PIK3AP1: variants seen among roughly 807,000 people sequenced by gnomAD.
PIK3AP1 encodes phosphoinositide-3-kinase adaptor protein 1.
A neutral mutation model predicts 88.1 loss-of-function variants in PIK3AP1; 21 were observed. The ratio of observed to expected loss-of-function variants is 0.24; its 90% CI spans 0.17 to 0.34. The LOEUF (loss-of-function observed/expected upper bound fraction) is 0.34, where lower values mean the gene tolerates loss of function less well. Among genes scored for constraint, PIK3AP1 ranks in the 10% least tolerant of loss-of-function variants. PIK3AP1 has a pLI of 1.00. For synonymous variants in PIK3AP1, 398 were observed against 400.0 expected, an observed-to-expected ratio of 1.00 and a Z score of 0.06; for missense variants, 828 against 1,035.7, an observed-to-expected ratio of 0.80 and a Z score of 2.75.
intron 8 of PIK3AP1, among the ~76,000 whole-genome samples, chr10:96,642,437 A>C (rs59106145): frequency 7.5e-5 from 10 of 133,590 alleles, no homozygotes; most frequent in South Asian, 2.6e-4. Flanking sequence ...AAAAAAAAAA[A>C]AAAAAACAGA....
chr10:96,633,303 G>C (rs117026892), intron 8 of PIK3AP1: 2 of 376,600 alleles, frequency 5.3e-6, no homozygotes, highest in Non-Finnish European at 4.7e-6. Context: ...GGTTACCGGG[G>C]TAACAGAGCT....
At position 96,648,710 on chromosome 10, in the gene PIK3AP1, G is replaced by A. The variant is rs138239158; in HGVS notation, c.1134C>T (p.Ile378=). The change falls in exon 7 of 17, where the codon ATC becomes ATT. Residue 378 remains isoleucine, a synonymous_variant. Coordinates refer to ENST00000339364, the MANE Select transcript of PIK3AP1 (RefSeq NM_152309.3). ...ANKHGHYPNT[I]AEKHGFRDLR... ...GGTCCCTGAAGCCGTGTTTCTCAGC[G>A]ATGGTGTTGGGGTAGTGGCCATGCT... 4.1e-5 allele frequency: 66 copies of A among 1,609,844 alleles called. No homozygotes were observed. Among genetic ancestry groups the A allele is most frequent in the African/African-American group, 6.7e-5 (5 of 74,722 alleles).
intron 16 of PIK3AP1, among the ~76,000 whole-genome samples, chr10:96,600,224 T>C (rs1355446010): frequency 6.6e-6 from 1 of 152,210 alleles, no homozygotes; most frequent in East Asian, 1.9e-4. Context: ...CAAGCCCCAG[T>C]TTCTACATCT....
intron 2 of PIK3AP1, among the ~76,000 whole-genome samples, chr10:96,670,412 T>C (rs1274589146): frequency 1.3e-5 from 2 of 152,208 alleles, no homozygotes; most frequent in African/African-American, 4.8e-5. Context: ...TAATAAATAT[T>C]CAAAGCCTAT....
Position 96,595,620 on chromosome 10 carries a change from T to A in PIK3AP1, c.2375A>T (p.Glu792Val). The A allele has an allele frequency of 6.2e-7, 1 of 1,613,300 alleles. No individual in the cohort carries two copies. The highest frequency in any genetic ancestry group is 8.5e-7 in the Non-Finnish European group (1 of 1,179,712). The change falls in exon 17 of 17, where the codon GAG becomes GTG. Residue 792 changes from glutamate to valine, a missense_variant. By Grantham distance (121) the Glu-to-Val change is moderately radical (BLOSUM62 -2). Around this residue, in one of 3 missense-constraint regions of PIK3AP1, gnomAD observed 191 missense variants for 208.6 expected, o/e 0.92. Transcript: ENST00000339364. ...RAASQRPPTR[E>V]TFHPPPPVPP... ...AACAGGTGGAGGAGGATGGAAGGTC[T>A]CCCTGGTCGGAGGCCTAAAATGAAA...
intron 13 of PIK3AP1, among the ~76,000 whole-genome samples, chr10:96,615,182 C>T (rs1280836290): frequency 6.6e-6 from 1 of 152,056 alleles, no homozygotes; most frequent in South Asian, 2.1e-4. Flanking sequence ...AAATAGGAGT[C>T]CAGGGACTGC....
At chr10:96,663,870 C>T (rs900211165) in intron 2 of PIK3AP1, among the ~76,000 whole-genome samples, 1 of 152,122 alleles carries the variant, frequency 6.6e-6, no homozygotes, top group African/African-American at 2.4e-5. Flanking sequence ...AATGAAAATA[C>T]AATGCTGTCT....
rs987850711 is a variant in PIK3AP1, at chr10:96,709,862, G to A, written c.135C>T (p.His45=). ...AGAAGGAGGCCTCGGGGCCCAGCCT[G>A]TGAGTCAGTATCTTCTGGCTGCGGA... ...RQVRSQKILT[H]RLGPEASFSA... The change falls in exon 2 of 17, where the codon CAC becomes CAT. Residue 45 remains histidine, a synonymous_variant. Coordinates refer to ENST00000339364, the MANE Select transcript of PIK3AP1 (RefSeq NM_152309.3). The A allele has an allele frequency of 6.8e-6, 11 of 1,613,864 alleles. No individual in the cohort carries two copies. The highest frequency in any genetic ancestry group is 5.3e-5 in the African/African-American group (4 of 74,956).
At chr10:96,647,209 A>T (rs1843471693) in intron 7 of PIK3AP1, among the ~76,000 whole-genome samples, 1 of 152,218 alleles carries the variant, frequency 6.6e-6, no homozygotes, top group Non-Finnish European at 1.5e-5. Flanking sequence ...TAAACATCCC[A>T]GTTAAATACA....
intron 12 of PIK3AP1, among the ~76,000 whole-genome samples, chr10:96,619,867 G>A (rs1843052829): frequency 6.6e-6 from 1 of 152,270 alleles, no homozygotes; most frequent in Middle Eastern, 3.4e-3. Flanking sequence ...GTTTGTGTGT[G>A]GACGTGTCTG....
chr10:96,681,233 G>T (rs1400387158), intron 2 of PIK3AP1, among the ~76,000 whole-genome samples: 5 of 152,064 alleles, frequency 3.3e-5, no homozygotes, highest in Non-Finnish European at 7.4e-5. Flanking sequence ...CAGTCATATT[G>T]GATAAGGGCC....
intron 2 of PIK3AP1, among the ~76,000 whole-genome samples, chr10:96,670,497 C>T (rs1843831031): frequency 6.6e-6 from 1 of 151,988 alleles, no homozygotes; most frequent in South Asian, 2.1e-4. Flanking sequence ...CACAGGAGAG[C>T]TGGGAGGACT....
intron 15 of PIK3AP1, chr10:96,603,671 TACAC>T (rs10528215): frequency 0.048 from 7,814 of 162,946 alleles, 346 homozygotes; most frequent in East Asian, 0.16. Context: ...TACTACTTAA[TACAC>T]ACACACACAC....
intron 2 of PIK3AP1, among the ~76,000 whole-genome samples, chr10:96,681,500 C>T (rs1375045634): frequency 6.6e-6 from 1 of 152,114 alleles, no homozygotes; most frequent in African/African-American, 2.4e-5. Flanking sequence ...CAATTATTCT[C>T]TCATATTATG....
At chr10:96,609,636 G>A in intron 14 of PIK3AP1, 76 bp downstream of exon 14, 6 of 1,504,242 alleles carry the variant, frequency 4.0e-6, no homozygotes, top group Non-Finnish European at 5.4e-6. Context: ...CTCTTAAGAG[G>A]ATGTTTCCTA....
chr10:96,663,627 CA>C (rs373081849), intron 2 of PIK3AP1, among the ~76,000 whole-genome samples: 6,748 of 42,630 alleles, frequency 0.16, 55 homozygotes, highest in Admixed American at 0.23. Flanking sequence ...GAGACTCCGT[CA>C]AAAAAAAAAA....
chr10:96,690,366 G>A (rs1328408497), intron 2 of PIK3AP1, among the ~76,000 whole-genome samples: 1 of 152,140 alleles, frequency 6.6e-6, no homozygotes, highest in African/African-American at 2.4e-5. Context: ...GGGCTCAAGT[G>A]ATCCTCCCAC....
At chr10:96,617,062 C>T (rs1223616928) in intron 12 of PIK3AP1, among the ~76,000 whole-genome samples, 1 of 152,232 alleles carries the variant, frequency 6.6e-6, no homozygotes, top group East Asian at 1.9e-4. Flanking sequence ...ACTCCCCTGA[C>T]CTTCATGGAT....
chr10:96,642,077 A>G (rs985785638), intron 8 of PIK3AP1, among the ~76,000 whole-genome samples: 5 of 152,202 alleles, frequency 3.3e-5, no homozygotes, highest in South Asian at 2.1e-4. Context: ...AGACAGAAAC[A>G]CAAACCAAAC....
Sources: gnomAD v4.1 joint callset for allele counts (sites outside exome capture counted in the v4.1 genomes callset) on GRCh38, gnomAD v4.1.1 for gene constraint, gnomAD v4.1.1 regional missense constraint, MANE v1.5 for transcripts, NCBI Gene and HGNC (gene_info 2026-07-23, HGNC 2026-07-21) for gene names.